Variants in NPAS3 observed in about 807,000 individuals in gnomAD.
The protein encoded by NPAS3 is neuronal PAS domain protein 3.
In NPAS3, 14 loss-of-function variants were observed where a neutral mutation model predicts 73.1. The ratio of observed to expected loss-of-function variants is 0.19; its 90% CI spans 0.13 to 0.30. NPAS3 has a LOEUF of 0.30. Ranked by LOEUF, NPAS3 falls within the 10% of genes least tolerant of loss-of-function variation. NPAS3 has a pLI of 1.00. For missense variants in NPAS3, 1,096 were observed against 1,250.0 expected, an observed-to-expected ratio of 0.88 and a Z score of 1.86; for synonymous variants, 620 against 541.5, an observed-to-expected ratio of 1.14 and a Z score of -2.01.
chr14:33,446,943 T>C (rs4982088), intron 4 of NPAS3, among the ~76,000 whole-genome samples: 52,435 of 152,146 alleles, frequency 0.34, 10,102 homozygotes, highest in East Asian at 0.55. Flanking sequence ...ACTACGTTTG[T>C]ATGTAGCTAC....
Position 33,276,191 on chromosome 14 carries a change from A to G in NPAS3, c.385+60765A>G, listed in dbSNP as rs185055390. ...GTTAATTTGACCTGAGAAAGTTGATAAAGAGCTATGGATATACTATTTCTG... is the reference window on the plus strand; with the variant it reads ...GTTAATTTGACCTGAGAAAGTTGATGAAGAGCTATGGATATACTATTTCTG... On this transcript the variant is annotated intron_variant, in intron 3 of 11. Coordinates refer to ENST00000356141, the Ensembl canonical transcript of NPAS3. Among the ~76,000 whole-genome samples the G allele has an allele frequency of 3.3e-5, 5 of 152,278 alleles. 1 individual carries two copies. The highest frequency in any genetic ancestry group is 3.3e-4 in the Admixed American group (5 of 15,284).
At chr14:33,429,302 A>C (rs959591510) in intron 4 of NPAS3, among the ~76,000 whole-genome samples, 5 of 152,128 alleles carry the variant, frequency 3.3e-5, no homozygotes, top group Non-Finnish European at 7.4e-5. Flanking sequence ...GTTGAGTCAA[A>C]ACCCACATAT....
intron 1 of NPAS3, among the ~76,000 whole-genome samples, chr14:33,055,033 G>C (rs2040840311): frequency 6.6e-6 from 1 of 152,160 alleles, no homozygotes; most frequent in African/African-American, 2.4e-5. Flanking sequence ...GCTGGTATTA[G>C]AGCGAAAGGA....
chr14:33,041,446 T>C (rs905850701), intron 1 of NPAS3, among the ~76,000 whole-genome samples: 1 of 152,180 alleles, frequency 6.6e-6, no homozygotes, highest in African/African-American at 2.4e-5. Context: ...AATTAGCAAA[T>C]TGAAAGTTCT....
intron 5 of NPAS3, among the ~76,000 whole-genome samples, chr14:33,658,802 C>T (rs2059223539): frequency 6.6e-6 from 1 of 152,096 alleles, no homozygotes; most frequent in South Asian, 2.1e-4. Flanking sequence ...TCTTCATCCC[C>T]CACTAATAGT....
intron 1 of NPAS3, among the ~76,000 whole-genome samples, chr14:32,968,065 GT>G (rs2037258315): frequency 6.6e-6 from 1 of 152,118 alleles, no homozygotes; most frequent in African/African-American, 2.4e-5. Context: ...TAGAATAGTG[GT>G]TACCAGAGAC....
At chr14:33,520,444 ACAC>A (rs2053505920) in intron 4 of NPAS3, among the ~76,000 whole-genome samples, 1 of 152,092 alleles carries the variant, frequency 6.6e-6, no homozygotes. Context: ...TGAAATAAGA[ACAC>A]CACATTTACT....
At chr14:33,194,924 G>A (rs2046297131) in intron 2 of NPAS3, among the ~76,000 whole-genome samples, 1 of 152,160 alleles carries the variant, frequency 6.6e-6, no homozygotes, top group African/African-American at 2.4e-5. Flanking sequence ...TCAGCCTATA[G>A]CATTTAGGAT....
At chr14:33,330,609 TG>T (rs762794627) in intron 3 of NPAS3, among the ~76,000 whole-genome samples, 3 of 152,230 alleles carry the variant, frequency 2.0e-5, no homozygotes, top group Admixed American at 6.5e-5. Flanking sequence ...ACTAAATATC[TG>T]AAAGTATAAA....
At chr14:33,518,777 T>TC (rs1281444891) in intron 4 of NPAS3, among the ~76,000 whole-genome samples, 5 of 98,036 alleles carry the variant, frequency 5.1e-5, no homozygotes, top group African/African-American at 1.7e-4. Flanking sequence ...TCTTTAGTGT[T>TC]CCCCAAATAC....
intron 5 of NPAS3, among the ~76,000 whole-genome samples, chr14:33,611,608 AC>A (rs2057751100): frequency 6.6e-6 from 1 of 152,116 alleles, no homozygotes; most frequent in Non-Finnish European, 1.5e-5. Flanking sequence ...CCAGTTATTC[AC>A]TCACAGCATG....
chr14:33,163,339 C>A (rs1019756383), intron 2 of NPAS3, among the ~76,000 whole-genome samples: 2 of 152,188 alleles, frequency 1.3e-5, no homozygotes, highest in African/African-American at 2.4e-5. Context: ...GCAGGCCAGG[C>A]GAGAGCTGGA....
intron 6 of NPAS3, among the ~76,000 whole-genome samples, chr14:33,696,794 G>A (rs750866166): frequency 3.9e-5 from 6 of 152,086 alleles, no homozygotes; most frequent in East Asian, 1.9e-4. Context: ...CTTTTGTTTC[G>A]TATATAACGT....
chr14:33,428,835 C>T (rs188491660), intron 4 of NPAS3, among the ~76,000 whole-genome samples: 117 of 152,112 alleles, frequency 7.7e-4, no homozygotes, highest in Non-Finnish European at 9.6e-4. Flanking sequence ...CATTGGTTTC[C>T]GTATTTTAAA....
At chr14:33,221,533 G>A (rs977641426) in intron 3 of NPAS3, among the ~76,000 whole-genome samples, 3 of 152,168 alleles carry the variant, frequency 2.0e-5, no homozygotes, top group Admixed American at 6.5e-5. Context: ...AAGCTGCGGT[G>A]AGAGGATTCC....
chr14:32,938,494 A>AGAGAGAAATT (rs1374433073), upstream of NPAS3, among the ~76,000 whole-genome samples: 20 of 103,626 alleles, frequency 1.9e-4, no homozygotes, highest in Non-Finnish European at 3.1e-4. Flanking sequence ...ATTGAGAGAG[A>AGAGAGAAATT]GAGAGAGAGA....
intron 3 of NPAS3, among the ~76,000 whole-genome samples, chr14:33,340,886 T>C (rs1260813581): frequency 6.6e-6 from 1 of 152,168 alleles, no homozygotes; most frequent in African/African-American, 2.4e-5. Context: ...TACGTAAAAA[T>C]TATTGTGTCT....
chr14:33,677,629 A>G (rs201959432), intron 6 of NPAS3, among the ~76,000 whole-genome samples: 3 of 144,236 alleles, frequency 2.1e-5, no homozygotes, highest in Non-Finnish European at 4.6e-5. Flanking sequence ...AAAAAAAAAA[A>G]ACAACACACA....
chr14:33,075,801 C>T (rs117867567), intron 2 of NPAS3, among the ~76,000 whole-genome samples: 12,933 of 152,148 alleles, frequency 0.085, 700 homozygotes, highest in Admixed American at 0.11. Context: ...ACTGTATTTT[C>T]TGAGTCCATA....
Sources: gnomAD v4.1 joint callset for allele counts (sites outside exome capture counted in the v4.1 genomes callset) on GRCh38, gnomAD v4.1.1 for gene constraint, MANE v1.5 for transcripts, NCBI Gene and HGNC (gene_info 2026-07-23, HGNC 2026-07-21) for gene names.